The following ADAMTSL3 variants were observed in gnomAD, a reference collection of about 807,000 sequenced individuals.
ADAMTSL3 encodes ADAMTS like 3.
A neutral mutation model predicts 201.7 loss-of-function variants in ADAMTSL3; 128 were observed. The ratio of observed to expected loss-of-function variants is 0.63; its 90% CI spans 0.55 to 0.73. The LOEUF is 0.73. Ranked by LOEUF, ADAMTSL3 falls within the 30% of genes least tolerant of loss-of-function variation. The pLI is 0.00. For missense variants in ADAMTSL3, 1,990 were observed against 2,119.6 expected (o/e 0.94, Z 1.20); for synonymous variants, 738 against 748.4 (o/e 0.99, Z 0.23).
chr15:83,779,697 CAAAAAAAAAAA>C (rs199855902), intron 4 of ADAMTSL3, among the ~76,000 whole-genome samples: 1 of 72,096 alleles, frequency 1.4e-5, no homozygotes, highest in Non-Finnish European at 2.7e-5. Context: ...GACTCCATCT[CAAAAAAAAAAA>C]AAAAAAAAAA....
chr15:84,036,786 A>C lies in ADAMTSL3; in HGVS notation c.4768A>C (p.Arg1590=). Residue 1590 remains arginine, a synonymous_variant, in exon 29 of 30, where the codon AGG becomes CGG. Transcript: ENST00000286744. ...TTTTCACTTCAGACCCACCTTAAGA[A>C]GGAACTGCACATCAGGGGCCTGTGA... is the stretch of plus-strand genomic sequence containing the variant. ...CDDRKRPTLR[R]NCTSGACDVC... 6.2e-7 allele frequency: 1 copy of C among 1,609,408 alleles called. No homozygotes were observed.
At chr15:84,031,503 A>C in intron 28 of ADAMTSL3, 71 bp downstream of exon 28, 1 of 1,360,268 alleles carries the variant, frequency 7.4e-7, no homozygotes, top group Non-Finnish European at 1.0e-6. Context: ...TAACTGCCTG[A>C]AAATGGAATC....
At chr15:83,751,750 C>T (rs895826838) in intron 3 of ADAMTSL3, among the ~76,000 whole-genome samples, 1 of 152,150 alleles carries the variant, frequency 6.6e-6, no homozygotes, top group Non-Finnish European at 1.5e-5. Flanking sequence ...GAGTTACTTT[C>T]ATCTTGATTC....
chr15:84,025,532 G>A lies in ADAMTSL3; in HGVS notation c.4656+96G>A, dbSNP rs189305833. 2.0e-3 allele frequency: 2,461 copies of A among 1,214,398 alleles called. 5 individuals carry two copies. Among genetic ancestry groups the A allele is most frequent in the Middle Eastern group, 0.015 (73 of 4,804 alleles). 75.2% of individuals were successfully genotyped at this position (1,214,398 alleles called of 1,614,324 possible). A position where few individuals can be genotyped will look rare whatever the true frequency, so the allele number is the denominator to read the frequency against. On this transcript the variant is annotated intron_variant, in intron 27 of 29. Transcript: ENST00000286744. ...GTTTCCAATAAACTACTTTTGGGGC[G>A]GGGGGCAGGAATCTGACTGGTCTCT...
intron 5 of ADAMTSL3, among the ~76,000 whole-genome samples, chr15:83,808,333 TG>T (rs1489367553): frequency 1.3e-5 from 2 of 152,162 alleles, no homozygotes; most frequent in Non-Finnish European, 2.9e-5. Flanking sequence ...AAGGCCTTAA[TG>T]GACATTTCTC....
chr15:83,971,705 G>A lies in ADAMTSL3; in HGVS notation c.2644+1068G>A, dbSNP rs373135277. On this transcript the variant is annotated intron_variant, in intron 20 of 29. Coordinates refer to ENST00000286744, the MANE Select transcript of ADAMTSL3 (RefSeq NM_207517.3). ...AGGTTGGGAAGGGAGGTAGGGAACAGGCATAGTGGAAATAACAGCTTTGGA... is the reference window on the plus strand; with the variant it reads ...AGGTTGGGAAGGGAGGTAGGGAACAAGCATAGTGGAAATAACAGCTTTGGA... 2.6e-5 allele frequency among the ~76,000 whole-genome samples: 4 copies of A among 151,244 alleles called. No homozygotes were observed. The East Asian group carries it at 7.8e-4, about 29-fold the overall frequency.
At chr15:83,794,348 CT>C (rs1397709937) in intron 4 of ADAMTSL3, among the ~76,000 whole-genome samples, 1 of 152,158 alleles carries the variant, frequency 6.6e-6, no homozygotes, top group Non-Finnish European at 1.5e-5. Context: ...ACAATAAAAC[CT>C]GTACATGAAT....
chr15:84,016,366 C>CTTT lies in ADAMTSL3; in HGVS notation c.4157-9_4157-7dup. 3 of 1,433,290 alleles carry CTTT rather than the reference C, an allele frequency of 2.1e-6. No homozygotes were observed. The highest frequency in any genetic ancestry group is 1.4e-5 in the African/African-American group (1 of 71,350). The allele number at this position is 1,433,290 out of a possible 1,614,324, so 88.8% of individuals were successfully genotyped here. A position where few individuals can be genotyped will look rare whatever the true frequency, so the allele number is the denominator to read the frequency against. ...TAATGTCTAACTGGTAAAAGTGCTA[C>CTTT]TTTTTTTTTTCCTCAGAACGAAGAT... is the stretch of plus-strand genomic sequence containing the variant. On this transcript the variant is annotated splice_polypyrimidine_tract_variant and intron_variant, in intron 24 of 29. Transcript: ENST00000286744.
intron 2 of ADAMTSL3, among the ~76,000 whole-genome samples, chr15:83,687,600 A>G (rs2061555667): frequency 6.6e-6 from 1 of 152,116 alleles, no homozygotes; most frequent in Non-Finnish European, 1.5e-5. Flanking sequence ...GAGATAACCA[A>G]TGTAGAGTTT....
chr15:83,990,958 G>A, intron 22 of ADAMTSL3, 128 bp from the exon 23 acceptor site: 1 of 1,350,846 alleles, frequency 7.4e-7, no homozygotes. Flanking sequence ...GCACCTTGAG[G>A]GATACAGAGA....
chr15:83,694,533 A>G (rs1160416884), intron 2 of ADAMTSL3, among the ~76,000 whole-genome samples: 1 of 152,158 alleles, frequency 6.6e-6, no homozygotes, highest in Non-Finnish European at 1.5e-5. Context: ...GCTGTTTCCA[A>G]TAGGTCAGCT....
chr15:83,705,841 T>C (rs1163489907), intron 3 of ADAMTSL3, among the ~76,000 whole-genome samples: 1 of 152,134 alleles, frequency 6.6e-6, no homozygotes, highest in Non-Finnish European at 1.5e-5. Context: ...ACACTGGTCA[T>C]TGGGGCAAGA....
At chr15:83,901,042 G>A (rs2065714313) in intron 15 of ADAMTSL3, among the ~76,000 whole-genome samples, 1 of 152,138 alleles carries the variant, frequency 6.6e-6, no homozygotes, top group African/African-American at 2.4e-5. Flanking sequence ...GGGTTACTTT[G>A]CTTTGAGAAG....
At chr15:83,713,461 A>T (rs138132480) in intron 3 of ADAMTSL3, among the ~76,000 whole-genome samples, 15 of 152,262 alleles carry the variant, frequency 9.9e-5, no homozygotes, top group African/African-American at 3.6e-4. Context: ...CTGGACTTGC[A>T]GGTTTGCTAT....
At chr15:83,657,091 G>T (rs552835552) in intron 2 of ADAMTSL3, among the ~76,000 whole-genome samples, 25 of 152,270 alleles carry the variant, frequency 1.6e-4, no homozygotes, top group Middle Eastern at 3.4e-3. Context: ...GGGTTCTCTG[G>T]CCAGCGAGAT....
intron 11 of ADAMTSL3, chr15:83,891,033 G>A (rs1445806675): frequency 6.6e-6 from 2 of 303,312 alleles, no homozygotes. Flanking sequence ...AGAGAGTAAT[G>A]ATTATAAAAA....
intron 6 of ADAMTSL3, among the ~76,000 whole-genome samples, chr15:83,836,855 C>T (rs1036071747): frequency 2.0e-5 from 3 of 152,052 alleles, no homozygotes; most frequent in Admixed American, 6.6e-5. Context: ...CAGGTTTGTA[C>T]GTGGGTGTTT....
chr15:83,792,420 C>G (rs998491658), intron 4 of ADAMTSL3, among the ~76,000 whole-genome samples: 15 of 152,048 alleles, frequency 9.9e-5, no homozygotes, highest in Admixed American at 7.2e-4. Context: ...AAAAGGGAAC[C>G]CTTGCACCCT....
chr15:83,711,167 A>G (rs572152043), intron 3 of ADAMTSL3, among the ~76,000 whole-genome samples: 1 of 152,294 alleles, frequency 6.6e-6, no homozygotes, highest in Non-Finnish European at 1.5e-5. Context: ...AAGAGGAGAA[A>G]TCTATTTGCT....
Sources: allele counts gnomAD v4.1 joint callset (sites outside exome capture counted in the v4.1 genomes callset), GRCh38; gene constraint gnomAD v4.1.1; transcripts MANE v1.5; gene names NCBI Gene and HGNC (gene_info 2026-07-23, HGNC 2026-07-21).